TMEM200A: variants seen among roughly 807,000 people sequenced by gnomAD.
The protein encoded by TMEM200A is two transmembrane C.
A neutral mutation model predicts 24.3 loss-of-function variants in TMEM200A; 12 were observed. The observed-to-expected ratio is 0.49, with a 90% CI of 0.32 to 0.80. TMEM200A has a LOEUF of 0.80. Ranked by LOEUF, TMEM200A falls within the 30% of genes least tolerant of loss-of-function variation. The probability of loss-of-function intolerance (pLI) is 0.04; values close to 1 mark genes in which losing one functional copy is unlikely to be tolerated. For missense variants in TMEM200A, 545 were observed against 614.4 expected, an observed-to-expected ratio of 0.89 and a Z score of 1.19; for synonymous variants, 224 against 224.4, an observed-to-expected ratio of 1.00 and a Z score of 0.02.
intron 1 of TMEM200A, among the ~76,000 whole-genome samples, chr6:130,368,912 A>G (rs1778245984): frequency 1.3e-5 from 2 of 152,138 alleles, no homozygotes; most frequent in African/African-American, 4.8e-5. Context: ...CTGCAGAATG[A>G]GGGCTTTGGA....
intron 2 of TMEM200A, among the ~76,000 whole-genome samples, chr6:130,429,115 G>A (rs1174108340): frequency 6.6e-6 from 1 of 152,152 alleles, no homozygotes; most frequent in African/African-American, 2.4e-5. Flanking sequence ...ATATATTTAT[G>A]TATAGATTTA....
intron 2 of TMEM200A, among the ~76,000 whole-genome samples, chr6:130,430,384 C>A (rs1299576310): frequency 6.6e-6 from 1 of 151,870 alleles, no homozygotes; most frequent in Non-Finnish European, 1.5e-5. Context: ...GCATATTCAG[C>A]CTATAGCAAG....
intron 2 of TMEM200A, among the ~76,000 whole-genome samples, chr6:130,396,660 A>G (rs1291209115): frequency 6.6e-6 from 1 of 152,120 alleles, no homozygotes; most frequent in African/African-American, 2.4e-5. Flanking sequence ...TATACTTTGT[A>G]TATTTTTAAA....
intron 1 of TMEM200A, among the ~76,000 whole-genome samples, chr6:130,382,729 G>A (rs942141620): frequency 2.0e-5 from 3 of 152,036 alleles, no homozygotes; most frequent in African/African-American, 7.3e-5. Flanking sequence ...CCAAAAATTA[G>A]AGCCCATTTC....
chr6:130,388,789 A>G (rs1778770187), intron 2 of TMEM200A, among the ~76,000 whole-genome samples: 1 of 152,188 alleles, frequency 6.6e-6, no homozygotes, highest in African/African-American at 2.4e-5. Flanking sequence ...AGAAAGTATC[A>G]TTGCCCCAGT....
intron 2 of TMEM200A, among the ~76,000 whole-genome samples, chr6:130,434,127 A>C (rs1779944003): frequency 6.6e-6 from 1 of 152,242 alleles, no homozygotes; most frequent in Admixed American, 6.5e-5. Flanking sequence ...CCTAGTGCCT[A>C]GAACATTTCA....
At chr6:130,365,540 C>A (rs1043076577), upstream of TMEM200A, 24 of 985,224 alleles carry the variant, frequency 2.4e-5, no homozygotes, top group Non-Finnish European at 2.5e-5. Flanking sequence ...CAGGGTCCTG[C>A]GGTGCCTGCT....
chr6:130,374,375 G>A (rs577371768), intron 1 of TMEM200A, among the ~76,000 whole-genome samples: 1 of 151,588 alleles, frequency 6.6e-6, no homozygotes, highest in Admixed American at 6.6e-5. Flanking sequence ...GCTGGGAGGT[G>A]GGATCTGAAA....
chr6:130,432,307 T>G (rs1334464589), intron 2 of TMEM200A, among the ~76,000 whole-genome samples: 1 of 152,226 alleles, frequency 6.6e-6, no homozygotes, highest in African/African-American at 2.4e-5. Context: ...GGGTTTAGGT[T>G]TTCCTACCTT....
intron 2 of TMEM200A, among the ~76,000 whole-genome samples, chr6:130,413,523 T>C (rs1779380288): frequency 6.6e-6 from 1 of 152,108 alleles, no homozygotes; most frequent in African/African-American, 2.4e-5. Flanking sequence ...TCCCCCCCAC[T>C]AGAGATCTGG....
In TMEM200A at chr6:130,441,732, A is replaced by G. The variant is rs755826131; in HGVS notation, c.1310A>G (p.Glu437Gly). The G allele has an allele frequency of 6.2e-7, 1 of 1,613,984 alleles. No individual in the cohort carries two copies. ...GGATATATGAAACTAGAGAACAAAG[A>G]AGACCCGATGGATAGGTTGCTTGTG... ...SKGYMKLENK[E>G]DPMDRLLVPQ... Residue 437 changes from glutamate (E) to glycine (G), a missense_variant, in exon 3 of 3, where the codon GAA becomes GGA. By Grantham distance (98) the Glu-to-Gly change is moderately conservative. Coordinates refer to ENST00000296978, the MANE Select transcript of TMEM200A (RefSeq NM_001258277.2).
chr6:130,365,974 G>A (rs968804736), upstream of TMEM200A: 1 of 981,766 alleles, frequency 1.0e-6, no homozygotes, highest in East Asian at 1.1e-4. Context: ...CCCCCAACCC[G>A]CCTCTTCGGG....
chr6:130,423,283 GTATC>G (rs375645124), intron 2 of TMEM200A, among the ~76,000 whole-genome samples: 7 of 152,014 alleles, frequency 4.6e-5, no homozygotes, highest in African/African-American at 1.2e-4. Context: ...GTATATTTTG[GTATC>G]TATCTATTAT....
At chr6:130,385,589 A>G (rs1038175407) in intron 2 of TMEM200A, among the ~76,000 whole-genome samples, 6 of 152,176 alleles carry the variant, frequency 3.9e-5, no homozygotes, top group Non-Finnish European at 7.4e-5. Context: ...CAAATCCCCA[A>G]GAGAAAAGGC....
At chr6:130,437,522 TA>T (rs975898970) in intron 2 of TMEM200A, 4 of 152,190 alleles carry the variant, frequency 2.6e-5, no homozygotes, top group Non-Finnish European at 4.4e-5. Flanking sequence ...TGAATTGCTT[TA>T]AACAGAATTA....
chr6:130,430,229 A>G (rs1779843551), intron 2 of TMEM200A, among the ~76,000 whole-genome samples: 1 of 152,086 alleles, frequency 6.6e-6, no homozygotes, highest in Admixed American at 6.6e-5. Context: ...CTCACATGGT[A>G]GAAGGGGGAA....
At chr6:130,375,395 GAGA>G (rs1408135476) in intron 1 of TMEM200A, among the ~76,000 whole-genome samples, 1 of 152,160 alleles carries the variant, frequency 6.6e-6, no homozygotes. Context: ...CTTGGCTCAG[GAGA>G]AGGTTTATTA....
At position 130,399,147 on chromosome 6, in the gene TMEM200A, T is replaced by C. The variant is rs543842427; in HGVS notation, c.-17+13911T>C. Reference sequence around the variant, plus strand: ...TGACTCTACAATTTCTTATAGAAAGTCTATACTTACTCACATTATTGTTCC... The same window carrying C: ...TGACTCTACAATTTCTTATAGAAAGCCTATACTTACTCACATTATTGTTCC... On this transcript the variant is annotated intron_variant, in intron 2 of 2. Transcript: ENST00000296978. Among the ~76,000 whole-genome samples, 44 of 152,236 alleles carry C rather than the reference T, an allele frequency of 2.9e-4. 1 individual carries two copies. The highest frequency in any genetic ancestry group is 1.1e-3 in the African/African-American group (44 of 41,564).
chr6:130,384,768 G>A (rs1425406623), intron 1 of TMEM200A, among the ~76,000 whole-genome samples: 1 of 152,198 alleles, frequency 6.6e-6, no homozygotes, highest in Non-Finnish European at 1.5e-5. Context: ...CCTTTGAAGT[G>A]ATGATCAAAT....
Sources: gnomAD v4.1 joint callset for allele counts (sites outside exome capture counted in the v4.1 genomes callset) on GRCh38, gnomAD v4.1.1 for gene constraint, MANE v1.5 for transcripts, NCBI Gene and HGNC (gene_info 2026-07-23, HGNC 2026-07-21) for gene names.